The following LRP1B variants were observed in gnomAD, a reference collection of about 807,000 sequenced individuals.
LRP1B encodes the protein LDL receptor related protein 1B.
In LRP1B, 217 loss-of-function variants were observed where a neutral mutation model predicts 556.6. The ratio of observed to expected loss-of-function variants is 0.39; its 90% CI spans 0.35 to 0.44. LRP1B has a LOEUF of 0.44. LRP1B is among the 20% of genes least tolerant of loss of function. The pLI is 1.00. For missense variants in LRP1B, 5,053 were observed against 5,620.8 expected, an observed-to-expected ratio of 0.90 and a Z score of 3.23; for synonymous variants, 2,047 against 1,865.8, an observed-to-expected ratio of 1.10 and a Z score of -2.50.
At chr2:141,045,396 T>C (rs1489904471) in intron 11 of LRP1B, among the ~76,000 whole-genome samples, 1 of 151,408 alleles carries the variant, frequency 6.6e-6, no homozygotes, top group Non-Finnish European at 1.5e-5. Flanking sequence ...AATGTGCACA[T>C]GTACCCTAAA....
At chr2:141,530,206 G>T (rs1559123637) in intron 2 of LRP1B, among the ~76,000 whole-genome samples, 2 of 152,084 alleles carry the variant, frequency 1.3e-5, no homozygotes, top group South Asian at 2.1e-4. Context: ...GCTGGTATAG[G>T]TAATGCCTAT....
At chr2:142,099,906 C>T (rs1024246903) in intron 1 of LRP1B, among the ~76,000 whole-genome samples, 1 of 151,828 alleles carries the variant, frequency 6.6e-6, no homozygotes, top group African/African-American at 2.4e-5. Context: ...ATGGCAACAA[C>T]CTCATTAGAA....
At chr2:142,045,150 A>G (rs1704210885) in intron 1 of LRP1B, among the ~76,000 whole-genome samples, 1 of 151,458 alleles carries the variant, frequency 6.6e-6, no homozygotes, top group Non-Finnish European at 1.5e-5. Context: ...GGGAAAAAAA[A>G]AAAAAACAAC....
intron 1 of LRP1B, among the ~76,000 whole-genome samples, chr2:141,819,170 G>A (rs1380668815): frequency 6.6e-6 from 1 of 151,746 alleles, no homozygotes. Flanking sequence ...CCCGGGAGGC[G>A]GAGGTTGCAG....
intron 6 of LRP1B, among the ~76,000 whole-genome samples, chr2:141,209,616 A>G (rs530149889): frequency 6.6e-6 from 1 of 152,240 alleles, no homozygotes; most frequent in African/African-American, 2.4e-5. Flanking sequence ...TATAACATGC[A>G]AAATTTCACA....
At chr2:140,771,220 G>C (rs1418913925) in intron 33 of LRP1B, among the ~76,000 whole-genome samples, 3 of 152,020 alleles carry the variant, frequency 2.0e-5, no homozygotes, top group Non-Finnish European at 4.4e-5. Flanking sequence ...AGACATACAT[G>C]AGAAGATTAA....
At chr2:141,822,263 T>C (rs1199451430) in intron 1 of LRP1B, among the ~76,000 whole-genome samples, 1 of 152,144 alleles carries the variant, frequency 6.6e-6, no homozygotes, top group African/African-American at 2.4e-5. Flanking sequence ...TTATTATCAT[T>C]GGATTAATGC....
chr2:141,854,273 T>A (rs996685141), intron 1 of LRP1B, among the ~76,000 whole-genome samples: 1 of 151,962 alleles, frequency 6.6e-6, no homozygotes, highest in East Asian at 1.9e-4. Context: ...CAGAACATCG[T>A]CATAATTGTG....
chr2:141,998,015 C>A (rs1015280690), intron 1 of LRP1B, among the ~76,000 whole-genome samples: 12 of 151,986 alleles, frequency 7.9e-5, no homozygotes, highest in African/African-American at 2.7e-4. Flanking sequence ...GCTACTGTTA[C>A]GTATTAAAGT....
intron 35 of LRP1B, among the ~76,000 whole-genome samples, chr2:140,719,268 C>T (rs1360608961): frequency 6.6e-6 from 1 of 151,938 alleles, no homozygotes; most frequent in Non-Finnish European, 1.5e-5. Flanking sequence ...CATAAAAATG[C>T]TTTTTAGCTC....
rs1236591396 is a variant in LRP1B at position 142,127,372 on chromosome 2, A to ATCCATCCG, written c.82+3275_82+3276insCGGATGGA. Among the ~76,000 whole-genome samples the ATCCATCCG allele has an allele frequency of 4.9e-3, 705 of 144,054 alleles. 5 individuals carry two copies. Among genetic ancestry groups the ATCCATCCG allele is most frequent in the African/African-American group, 0.018 (664 of 36,892 alleles). 94.5% of individuals were successfully genotyped at this position (144,054 alleles called of 152,430 possible). On this transcript the variant is annotated intron_variant, in intron 1 of 90. Coordinates refer to ENST00000389484, the MANE Select transcript of LRP1B (RefSeq NM_018557.3). ...CAGATTCTGATGTATGGCAGAATCCATCCATCCATCCATCCATCCATCCAT... is the reference window on the plus strand; with the variant it reads ...CAGATTCTGATGTATGGCAGAATCCATCCATCCGTCCATCCATCCATCCATCCATCCAT...
At chr2:141,419,709 T>A (rs1028536120) in intron 3 of LRP1B, among the ~76,000 whole-genome samples, 2 of 152,124 alleles carry the variant, frequency 1.3e-5, no homozygotes, top group African/African-American at 4.8e-5. Flanking sequence ...TAAAAATAAC[T>A]TCTAGATTTA....
intron 66 of LRP1B, among the ~76,000 whole-genome samples, chr2:140,427,230 C>T (rs1014080822): frequency 2.0e-5 from 3 of 151,948 alleles, no homozygotes; most frequent in Non-Finnish European, 2.9e-5. Context: ...TCCGCGAGGA[C>T]GCCTGCCTTG....
chr2:140,860,511 A>G (rs1692756599), intron 27 of LRP1B, among the ~76,000 whole-genome samples: 1 of 152,210 alleles, frequency 6.6e-6, no homozygotes, highest in Non-Finnish European at 1.5e-5. Flanking sequence ...AAATAGTACT[A>G]TTTTTATCAA....
chr2:141,260,845 C>T (rs566505068), intron 3 of LRP1B, among the ~76,000 whole-genome samples: 15 of 152,122 alleles, frequency 9.9e-5, no homozygotes, highest in South Asian at 2.1e-4. Flanking sequence ...AAATTATCTG[C>T]GATATCATTT....
chr2:141,306,169 C>A (rs1036999162), intron 3 of LRP1B, among the ~76,000 whole-genome samples: 4 of 123,064 alleles, frequency 3.3e-5, no homozygotes, highest in African/African-American at 6.7e-5. Context: ...TCAGTGTGAA[C>A]TATTAAAATT....
chr2:141,084,616 A>G (rs1172714600), intron 7 of LRP1B, among the ~76,000 whole-genome samples: 1 of 149,468 alleles, frequency 6.7e-6, no homozygotes, highest in African/African-American at 2.5e-5. Flanking sequence ...ATCGTTTATC[A>G]TTTTGTGTGA....
At chr2:141,392,740 C>T (rs1272209532) in intron 3 of LRP1B, among the ~76,000 whole-genome samples, 2 of 152,130 alleles carry the variant, frequency 1.3e-5, no homozygotes, top group Non-Finnish European at 2.9e-5. Context: ...AACAAATTCT[C>T]CCTCTCAGAG....
chr2:141,724,994 G>A (rs1251540459), intron 2 of LRP1B, among the ~76,000 whole-genome samples: 4 of 151,798 alleles, frequency 2.6e-5, no homozygotes, highest in East Asian at 1.9e-4. Context: ...TCCCAATCCC[G>A]CCTTTTATGT....
Sources: allele counts gnomAD v4.1 joint callset (sites outside exome capture counted in the v4.1 genomes callset), GRCh38; gene constraint gnomAD v4.1.1; transcripts MANE v1.5; gene names NCBI Gene and HGNC (gene_info 2026-07-23, HGNC 2026-07-21).